ZNF43: variants seen among roughly 807,000 people sequenced by gnomAD.
ZNF43 encodes zinc finger protein 39-like 1 (KOX 27).
In ZNF43, 44 loss-of-function variants were observed where a neutral mutation model predicts 68.4. That is an observed-to-expected ratio of 0.64 (90% CI 0.51 to 0.83). ZNF43 has a LOEUF of 0.83. Among genes scored for constraint, ZNF43 ranks in the 40% least tolerant of loss-of-function variants. The probability of loss-of-function intolerance (pLI) is 0.00; values close to 1 mark genes in which losing one functional copy is unlikely to be tolerated. For synonymous variants in ZNF43, 308 were observed against 307.8 expected, an observed-to-expected ratio of 1.00 and a Z score of -0.01; for missense variants, 896 against 933.2, an observed-to-expected ratio of 0.96 and a Z score of 0.52.
intron 2 of ZNF43, among the ~76,000 whole-genome samples, chr19:21,818,301 C>T (rs987524037): frequency 2.0e-5 from 3 of 152,106 alleles, no homozygotes; most frequent in Non-Finnish European, 4.4e-5. Flanking sequence ...CAGGGTTTTG[C>T]CATGTTGGTC....
At chr19:21,813,508 A>C (rs2037380500) in intron 3 of ZNF43, among the ~76,000 whole-genome samples, 1 of 152,160 alleles carries the variant, frequency 6.6e-6, no homozygotes, top group East Asian at 1.9e-4. Context: ...ATCTTGCCTC[A>C]TTTTAAGATA....
At chr19:21,822,605 A>G (rs946212309) in intron 1 of ZNF43, among the ~76,000 whole-genome samples, 5 of 152,158 alleles carry the variant, frequency 3.3e-5, no homozygotes, top group Non-Finnish European at 7.3e-5. Flanking sequence ...GGAGATCGAG[A>G]CCATCCTGGC....
chr19:21,835,957 T>C (rs937633452), intron 1 of ZNF43, 79 bp downstream of exon 1: 20 of 1,607,466 alleles, frequency 1.2e-5, no homozygotes, highest in Non-Finnish European at 1.5e-5. Context: ...CACGCGCAGA[T>C]TGTGGAGCTG....
At position 21,808,540 on chromosome 19, in the gene ZNF43, T is replaced by C. The variant is rs1006925244; in HGVS notation, c.1497A>G (p.Lys499=). The change falls in exon 4 of 4, where the codon AAA becomes AAG. Residue 499 remains lysine (K), a synonymous_variant. Transcript: ENST00000354959. ...TCTTTTCAATGTGAATTTTCTTATG[T>C]TTAGTAAGGTTTGAGGACCGGCTAA... ...KAFSRSSNLT[K]HKKIHIEKKP... 2.5e-6 allele frequency: 4 copies of C among 1,613,238 alleles called. No individual in the cohort carries two copies. Among genetic ancestry groups the C allele is most frequent in the Non-Finnish European group, 3.4e-6 (4 of 1,179,802 alleles).
chr19:21,832,594 A>G (rs2145322975), intron 1 of ZNF43, among the ~76,000 whole-genome samples: 1 of 129,060 alleles, frequency 7.7e-6, no homozygotes, highest in African/African-American at 3.2e-5. Context: ...TAACTAAACA[A>G]GACAACCAGC....
chr19:21,815,954 G>T (rs191428616), intron 3 of ZNF43, among the ~76,000 whole-genome samples: 1 of 152,018 alleles, frequency 6.6e-6, no homozygotes, highest in African/African-American at 2.4e-5. Flanking sequence ...TCAGGTACTT[G>T]GGAGGCTGAG....
chr19:21,842,163 C>T (rs1967581416), intron 1 of ZNF43, among the ~76,000 whole-genome samples: 4 of 152,056 alleles, frequency 2.6e-5, no homozygotes, highest in Non-Finnish European at 4.4e-5. Context: ...GTAATCTCAG[C>T]ACTTTGGGAG....
intron 1 of ZNF43, among the ~76,000 whole-genome samples, chr19:21,824,801 C>T (rs910722526): frequency 1.3e-4 from 19 of 147,238 alleles, no homozygotes; most frequent in African/African-American, 4.3e-4. Flanking sequence ...ATAAGTAAAT[C>T]ATTTATTTGG....
At chr19:21,825,584 T>G (rs1353368775) in intron 1 of ZNF43, among the ~76,000 whole-genome samples, 2 of 150,870 alleles carry the variant, frequency 1.3e-5, no homozygotes, top group Non-Finnish European at 2.9e-5. Context: ...TGGAGCTAAA[T>G]CTGGTGGTGT....
rs558568502 is a variant in ZNF43 at position 21,807,654 on chromosome 19, C to G, written c.2383G>C (p.Val795Leu). 6.3e-6 allele frequency: 10 copies of G among 1,576,606 alleles called. No homozygotes were observed. In the South Asian group the frequency reaches 1.1e-4, roughly 17 times the overall value. The change falls in exon 4 of 4, where the codon GTG becomes CTG. Residue 795 changes from valine (V) to leucine (L), a missense_variant. Physicochemically the swap from Val to Leu is conservative, Grantham distance 32. Coordinates refer to ENST00000354959, the MANE Select transcript of ZNF43 (RefSeq NM_003423.4). ...TGEKLYKPEDVTVILTTPQTF... is the reference protein window; with the variant it reads ...TGEKLYKPEDLTVILTTPQTF... ...TGAGGTGTTGTCAAAATCACTGTCA[C>G]ATCTTCAGGTTTGTAGAGTTTCTCT...
At chr19:21,850,290 C>T (rs1371345521) in intron 1 of ZNF43, among the ~76,000 whole-genome samples, 3 of 145,772 alleles carry the variant, frequency 2.1e-5, no homozygotes, top group African/African-American at 2.6e-5. Context: ...GGGCCAGACA[C>T]GGTGGGTCAC....
intron 1 of ZNF43, chr19:21,843,092 A>G (rs1967653603): frequency 6.6e-6 from 1 of 152,264 alleles, no homozygotes; most frequent in Admixed American, 6.5e-5. Flanking sequence ...TAGATCCAGT[A>G]ATATGTTACA....
rs28670427 is a variant in ZNF43 at position 21,806,816 on chromosome 19, C to T, written c.*791G>A. 176 of 151,928 alleles carry T rather than the reference C, an allele frequency of 1.2e-3. No individual in the cohort carries two copies. Among genetic ancestry groups the T allele is most frequent in the African/African-American group, 4.0e-3 (167 of 41,432 alleles). 9.4% of individuals were successfully genotyped at this position (151,928 alleles called of 1,614,324 possible). ...GATTTAGTGTAATGTCTGAAGTGTC[C>T]GCGCCTTAGATATTTCTACTGTGAA... On this transcript the variant is annotated 3_prime_UTR_variant, in exon 4 of 4. Transcript: ENST00000354959.
At chr19:21,834,622 G>C (rs1374838296) in intron 1 of ZNF43, among the ~76,000 whole-genome samples, 2 of 151,836 alleles carry the variant, frequency 1.3e-5, no homozygotes, top group Non-Finnish European at 2.9e-5. Flanking sequence ...AACCAGGCAC[G>C]GTGGCAGGTG....
intron 3 of ZNF43, among the ~76,000 whole-genome samples, chr19:21,812,932 C>CA (rs36028544): frequency 0.43 from 63,218 of 147,354 alleles, 14,312 homozygotes; most frequent in African/African-American, 0.6. Context: ...GACTCCATCT[C>CA]AAAAAAAAAT....
At chr19:21,836,611 G>A (rs1014357186), upstream of ZNF43, among the ~76,000 whole-genome samples, 2 of 152,162 alleles carry the variant, frequency 1.3e-5, no homozygotes, top group East Asian at 1.9e-4. Flanking sequence ...ATTCTTGAGA[G>A]GGAGTCTCTG....
intron 3 of ZNF43, among the ~76,000 whole-genome samples, chr19:21,814,413 T>C (rs993127805): frequency 8.5e-6 from 1 of 117,002 alleles, no homozygotes; most frequent in African/African-American, 3.3e-5. Context: ...ATTGATCTCT[T>C]TTTTTTTTTT....
At chr19:21,827,272 G>A (rs2038180842) in intron 1 of ZNF43, 1 of 152,056 alleles carries the variant, frequency 6.6e-6, no homozygotes, top group African/African-American at 2.4e-5. Flanking sequence ...ATTTCCACAT[G>A]CACCTTTTGA....
At chr19:21,824,744 A>G (rs2038028629) in intron 1 of ZNF43, among the ~76,000 whole-genome samples, 1 of 151,694 alleles carries the variant, frequency 6.6e-6, no homozygotes, top group African/African-American at 2.4e-5. Context: ...AAAAAAAAAA[A>G]AAAAAAAGAA....
Sources: allele counts gnomAD v4.1 joint callset (sites outside exome capture counted in the v4.1 genomes callset), GRCh38; gene constraint gnomAD v4.1.1; transcripts MANE v1.5; gene names NCBI Gene and HGNC (gene_info 2026-07-23, HGNC 2026-07-21).